The following ZDHHC3 variants were observed in gnomAD, a reference collection of about 807,000 sequenced individuals.
The protein encoded by ZDHHC3 is palmitoyltransferase ZDHHC3.
In ZDHHC3, 9 loss-of-function variants were observed where a neutral mutation model predicts 30.6. That is an observed-to-expected ratio of 0.29 (90% CI 0.18 to 0.51). The LOEUF (loss-of-function observed/expected upper bound fraction) is 0.51. Ranked by LOEUF, ZDHHC3 falls within the 20% of genes least tolerant of loss-of-function variation. The pLI is 0.97. For missense variants in ZDHHC3, 246 were observed against 384.2 expected, an observed-to-expected ratio of 0.64 and a Z score of 3.01; for synonymous variants, 136 against 140.2, an observed-to-expected ratio of 0.97 and a Z score of 0.21.
intron 1 of ZDHHC3, among the ~76,000 whole-genome samples, chr3:44,961,249 G>A (rs997765363): frequency 2.0e-5 from 3 of 152,186 alleles, no homozygotes; most frequent in Non-Finnish European, 4.4e-5. Context: ...AAAATTAGCC[G>A]GGTGTGGTGG....
Position 44,919,119 on chromosome 3 carries a change from T to C in ZDHHC3, c.*7570A>G, listed in dbSNP as rs1051118636. ...TTGAATAAATTCTAAGTTAAAAAAA[T>C]TGGATCTCAAAAGTATATCCTCATA... On this transcript the variant is annotated 3_prime_UTR_variant, in exon 7 of 7. Coordinates refer to ENST00000424952, the MANE Select transcript of ZDHHC3 (RefSeq NM_001135179.2). 1.0e-6 allele frequency: 1 copy of C among 984,270 alleles called. No homozygotes were observed. The highest frequency in any genetic ancestry group is 1.2e-6 in the Non-Finnish European group (1 of 828,926). 61.0% of individuals were successfully genotyped at this position (984,270 alleles called of 1,614,324 possible).
intron 2 of ZDHHC3, among the ~76,000 whole-genome samples, chr3:44,954,078 G>A (rs1703708425): frequency 6.6e-6 from 1 of 152,210 alleles, no homozygotes; most frequent in Admixed American, 6.5e-5. Flanking sequence ...CATGTTTGAA[G>A]TGAGCCCCAA....
At chr3:44,972,101 G>A (rs1470996641) in intron 1 of ZDHHC3, among the ~76,000 whole-genome samples, 1 of 152,120 alleles carries the variant, frequency 6.6e-6, no homozygotes, top group Non-Finnish European at 1.5e-5. Flanking sequence ...AAAATGCAAA[G>A]GAAAAGGCCT....
chr3:44,932,248 C>T (rs1701557472), intron 5 of ZDHHC3, among the ~76,000 whole-genome samples: 1 of 151,958 alleles, frequency 6.6e-6, no homozygotes, highest in South Asian at 2.1e-4. Flanking sequence ...CTGCACATAC[C>T]CACTCACCCC....
At position 44,925,699 on chromosome 3, in the gene ZDHHC3, G is replaced by A. The variant is rs1162907611; in HGVS notation, c.*990C>T. 5.1e-6 allele frequency: 5 copies of A among 985,398 alleles called. No homozygotes were observed. Among genetic ancestry groups the A allele is most frequent in the East Asian group, 2.3e-4 (2 of 8,832 alleles). 61.0% of individuals were successfully genotyped at this position (985,398 alleles called of 1,614,324 possible). On this transcript the variant is annotated 3_prime_UTR_variant, in exon 7 of 7. Coordinates refer to ENST00000424952, the MANE Select transcript of ZDHHC3 (RefSeq NM_001135179.2). Reference sequence around the variant, plus strand: ...TAAAATATAGATAAGACACAGGTACGTGCACATTTATGGGGGTTAACTATC... The same window carrying A: ...TAAAATATAGATAAGACACAGGTACATGCACATTTATGGGGGTTAACTATC...
At chr3:44,950,617 T>A (rs1285239757) in intron 2 of ZDHHC3, among the ~76,000 whole-genome samples, 1 of 152,166 alleles carries the variant, frequency 6.6e-6, no homozygotes, top group Admixed American at 6.5e-5. Context: ...TGAGCCCACC[T>A]CTCAGAGCCA....
At position 44,959,576 on chromosome 3, in the gene ZDHHC3, G is replaced by T. The variant is rs1249108338; in HGVS notation, c.-24-116C>A. The T allele has an allele frequency of 2.5e-6, 2 of 785,812 alleles. No homozygotes were observed. Among genetic ancestry groups the T allele is most frequent in the Admixed American group, 2.8e-5 (1 of 35,828 alleles). The allele number at this position is 785,812 out of a possible 1,614,324, so 48.7% of individuals were successfully genotyped here. A position where few individuals can be genotyped will look rare whatever the true frequency, so the allele number is the denominator to read the frequency against. ...CTTATCTGCAACCCCTGTGTGCAAA[G>T]CCACCTAATCACCTTGTTCATTTAA... On this transcript the variant is annotated intron_variant, in intron 1 of 6. Coordinates refer to ENST00000424952, the MANE Select transcript of ZDHHC3 (RefSeq NM_001135179.2). This position sits in a 1 kb window ranked among gnomAD's most constrained non-coding sequence, Gnocchi z 4.3.
intron 3 of ZDHHC3, chr3:44,937,549 GTTTTTTTTTTT>G (rs58591881): frequency 9.7e-6 from 1 of 103,624 alleles, no homozygotes; most frequent in Non-Finnish European, 1.8e-5. Context: ...CTAAAAATAA[GTTTTTTTTTTT>G]TTTTTTTTTT....
chr3:44,931,923 C>A (rs1161584120), intron 5 of ZDHHC3, among the ~76,000 whole-genome samples: 5 of 152,126 alleles, frequency 3.3e-5, no homozygotes, highest in Non-Finnish European at 7.3e-5. Flanking sequence ...CTCAAAAAGC[C>A]CTTTGGGCCA....
At chr3:44,937,712 T>C in intron 3 of ZDHHC3, 1 of 211,924 alleles carries the variant, frequency 4.7e-6, no homozygotes, top group Non-Finnish European at 9.9e-6. Context: ...CAAAGTTGTA[T>C]AGCTGAGGAA....
At chr3:44,957,841 G>A (rs532421109) in intron 2 of ZDHHC3, among the ~76,000 whole-genome samples, 2 of 152,328 alleles carry the variant, frequency 1.3e-5, no homozygotes, top group East Asian at 3.9e-4. Flanking sequence ...GGCATCTTGA[G>A]GGTAAGAACA....
At chr3:44,950,393 A>G (rs1407703215) in intron 2 of ZDHHC3, among the ~76,000 whole-genome samples, 3 of 152,234 alleles carry the variant, frequency 2.0e-5, no homozygotes, top group Non-Finnish European at 4.4e-5. Context: ...GACCCTGTAT[A>G]AAAGACTGCA....
Position 44,945,254 on chromosome 3 carries a change from G to A in ZDHHC3, c.345C>T (p.Ile115=), listed in dbSNP as rs1031281420. 3.7e-6 allele frequency: 6 copies of A among 1,614,066 alleles called. No homozygotes were observed. Among genetic ancestry groups the A allele is most frequent in the Admixed American group, 1.7e-5 (1 of 60,000 alleles). Residue 115 remains isoleucine, a synonymous_variant, in exon 3 of 7, where the codon ATC becomes ATT. Coordinates refer to ENST00000424952, the MANE Select transcript of ZDHHC3 (RefSeq NM_001135179.2). The part of the protein sequence containing the change: ...VPKGNATKEF[I]ESLQLKPGQV... ...GCCCAGGCTTCAACTGTAAACTCTC[G>A]ATGAATTCTTTAGTGGCATTTCCTT... is the stretch of plus-strand genomic sequence containing the variant.
chr3:44,966,229 C>A (rs969292702), intron 1 of ZDHHC3, among the ~76,000 whole-genome samples: 2 of 152,154 alleles, frequency 1.3e-5, no homozygotes, highest in African/African-American at 4.8e-5. Context: ...TGAACATCAG[C>A]AAAATAGTAG....
Position 44,922,767 on chromosome 3 carries a change from C to A in ZDHHC3, c.*3922G>T. Reference sequence around the variant, plus strand: ...CTGGTTCGGTAGCCTGGGGTGGGGACCGAGAATGTGCATTTCTAACAAGTT... The same window carrying A: ...CTGGTTCGGTAGCCTGGGGTGGGGAACGAGAATGTGCATTTCTAACAAGTT... On this transcript the variant is annotated 3_prime_UTR_variant, in exon 7 of 7. Coordinates refer to ENST00000424952, the MANE Select transcript of ZDHHC3 (RefSeq NM_001135179.2). 1 of 984,930 alleles carries A rather than the reference C, an allele frequency of 1.0e-6. No homozygotes were observed. The highest frequency in any genetic ancestry group is 1.2e-6 in the Non-Finnish European group (1 of 829,548). The allele number at this position is 984,930 out of a possible 1,614,324, so 61.0% of individuals were successfully genotyped here. A position where few individuals can be genotyped will look rare whatever the true frequency, so the allele number is the denominator to read the frequency against.
rs1482274622 is a variant in ZDHHC3, at chr3:44,920,176, A to G, written c.*6513T>C. 2 of 1,274,886 alleles carry G rather than the reference A, an allele frequency of 1.6e-6. No individual in the cohort carries two copies. Among genetic ancestry groups the G allele is most frequent in the African/African-American group, 1.5e-5 (1 of 65,428 alleles). 79.0% of individuals were successfully genotyped at this position (1,274,886 alleles called of 1,614,324 possible). On this transcript the variant is annotated 3_prime_UTR_variant, in exon 7 of 7. Coordinates refer to ENST00000424952, the MANE Select transcript of ZDHHC3 (RefSeq NM_001135179.2). ...GTTTCAGAAAATGGATCTTGTTGAC[A>G]CAAGTCTAAAGGGACCTTCATGTGG...
At chr3:44,930,343 G>A (rs1325288217) in intron 5 of ZDHHC3, among the ~76,000 whole-genome samples, 5 of 152,216 alleles carry the variant, frequency 3.3e-5, no homozygotes, top group African/African-American at 1.2e-4. Context: ...GAAGCAAGGT[G>A]GCCTGGGAAA....
At chr3:44,970,424 G>C (rs1365786039) in intron 1 of ZDHHC3, among the ~76,000 whole-genome samples, 1 of 152,200 alleles carries the variant, frequency 6.6e-6, no homozygotes, top group Non-Finnish European at 1.5e-5. Flanking sequence ...CCTGCCACTC[G>C]CTAACCTCAT....
intron 2 of ZDHHC3, among the ~76,000 whole-genome samples, chr3:44,950,366 T>A: frequency 6.6e-6 from 1 of 152,178 alleles, no homozygotes; most frequent in East Asian, 1.9e-4. Context: ...CACCAGAATG[T>A]ACTGTAAGCC....
Sources: allele counts gnomAD v4.1 joint callset (sites outside exome capture counted in the v4.1 genomes callset), GRCh38; gene constraint gnomAD v4.1.1; non-coding constraint Gnocchi (gnomAD v3.1); transcripts MANE v1.5; gene names NCBI Gene and HGNC (gene_info 2026-07-23, HGNC 2026-07-21).